Variants in PIGU observed in about 807,000 individuals in gnomAD.
The protein encoded by PIGU is GPI-anchor transamidase component PIGU.
A neutral mutation model predicts 49.9 loss-of-function variants in PIGU; 24 were observed. That is an observed-to-expected ratio of 0.48 (90% confidence interval 0.35 to 0.68). The LOEUF (loss-of-function observed/expected upper bound fraction) is 0.68. Among genes scored for constraint, PIGU ranks in the 30% least tolerant of loss-of-function variants. PIGU has a pLI of 0.01. For synonymous variants in PIGU, 220 were observed against 205.7 expected (o/e 1.07, Z -0.59); for missense variants, 490 against 532.6 (o/e 0.92, Z 0.79).
chr20:34,626,351 G>A (rs1358772374), intron 6 of PIGU, among the ~76,000 whole-genome samples: 2 of 148,440 alleles, frequency 1.3e-5, no homozygotes, highest in African/African-American at 2.5e-5. Flanking sequence ...TGCCCAGGCT[G>A]GAGTGCAATG....
intron 1 of PIGU, among the ~76,000 whole-genome samples, chr20:34,658,686 C>A (rs1284159372): frequency 2.6e-5 from 4 of 151,762 alleles, no homozygotes; most frequent in African/African-American, 4.8e-5. Flanking sequence ...CCAGCCGCCC[C>A]GTCTGAGAAG....
chr20:34,589,947 C>T (rs1211506536), intron 7 of PIGU, among the ~76,000 whole-genome samples: 3 of 151,984 alleles, frequency 2.0e-5, no homozygotes, highest in African/African-American at 7.2e-5. Flanking sequence ...TGAGCCACTG[C>T]GCCTGGCCTC....
At chr20:34,561,993 T>A (rs1982536853) in intron 11 of PIGU, among the ~76,000 whole-genome samples, 1 of 152,200 alleles carries the variant, frequency 6.6e-6, no homozygotes, top group South Asian at 2.1e-4. Context: ...GGTCTTCGAA[T>A]GGTTCTGTCA....
At chr20:34,591,643 C>T (rs993092019) in intron 7 of PIGU, among the ~76,000 whole-genome samples, 17 of 152,108 alleles carry the variant, frequency 1.1e-4, no homozygotes, top group African/African-American at 4.1e-4. Context: ...AACTTGCTGA[C>T]CTCACATATG....
intron 7 of PIGU, among the ~76,000 whole-genome samples, chr20:34,606,664 G>A (rs180805395): frequency 6.6e-6 from 1 of 152,300 alleles, no homozygotes; most frequent in East Asian, 1.9e-4. Context: ...CTCATGCCAA[G>A]CACTATATAT....
At chr20:34,578,402 A>C (rs1287669699) in intron 10 of PIGU, among the ~76,000 whole-genome samples, 3 of 152,104 alleles carry the variant, frequency 2.0e-5, no homozygotes, top group Non-Finnish European at 2.9e-5. Context: ...ACCCAACATC[A>C]CTATGTACAT....
At chr20:34,597,103 C>T (rs1181727124) in intron 7 of PIGU, among the ~76,000 whole-genome samples, 3 of 152,206 alleles carry the variant, frequency 2.0e-5, no homozygotes, top group Non-Finnish European at 4.4e-5. Context: ...CAAAGCTAAA[C>T]GTACACTTGC....
chr20:34,588,605 C>T lies in PIGU; in HGVS notation c.630G>A (p.Arg210=), dbSNP rs1297961364. The T allele has an allele frequency of 1.2e-6, 2 of 1,610,974 alleles. No individual in the cohort carries two copies. Among genetic ancestry groups the T allele is most frequent in the East Asian group, 2.2e-5 (1 of 44,822 alleles). The part of the protein sequence containing the change: ...FVPGLLYLLQ[R]QYIPVKMKSK... ...TCTTCATTTTCACAGGTATGTACTGCCGCTGGAGAGAAGGCAAAGTGATAT... is the reference window on the plus strand; with the variant it reads ...TCTTCATTTTCACAGGTATGTACTGTCGCTGGAGAGAAGGCAAAGTGATAT... Residue 210 remains arginine (R), a splice_region_variant and synonymous_variant, in exon 8 of 12, where the codon CGG becomes CGA. Coordinates refer to ENST00000217446, the MANE Select transcript of PIGU (RefSeq NM_080476.5).
chr20:34,645,980 T>C (rs773142301), intron 2 of PIGU, among the ~76,000 whole-genome samples: 1 of 152,200 alleles, frequency 6.6e-6, no homozygotes, highest in Non-Finnish European at 1.5e-5. Flanking sequence ...ACATATATAA[T>C]AGCCGAGGGG....
chr20:34,662,939 C>G (rs1434234540), intron 1 of PIGU, among the ~76,000 whole-genome samples: 3 of 152,084 alleles, frequency 2.0e-5, no homozygotes, highest in Admixed American at 2.0e-4. Context: ...CAGGGTCTCG[C>G]TCTGTCATCC....
At chr20:34,648,535 A>G (rs187144031) in intron 2 of PIGU, among the ~76,000 whole-genome samples, 3 of 151,772 alleles carry the variant, frequency 2.0e-5, no homozygotes, top group African/African-American at 7.3e-5. Context: ...TATATGCAAA[A>G]TTTTTTGTTT....
intron 6 of PIGU, among the ~76,000 whole-genome samples, chr20:34,633,165 A>G (rs375862722): frequency 6.6e-5 from 10 of 152,346 alleles, no homozygotes; most frequent in African/African-American, 2.2e-4. Context: ...TACTGATTCA[A>G]TAAAAACTAT....
intron 5 of PIGU, among the ~76,000 whole-genome samples, chr20:34,636,149 C>G (rs907911794): frequency 2.6e-5 from 4 of 151,890 alleles, no homozygotes; most frequent in African/African-American, 9.7e-5. Flanking sequence ...TACAGTGAGC[C>G]GTGACTGTAC....
chr20:34,603,856 G>GGACA (rs1415536911), intron 7 of PIGU, among the ~76,000 whole-genome samples: 1 of 73,594 alleles, frequency 1.4e-5, no homozygotes, highest in East Asian at 4.4e-4. Context: ...ACCTTTTAGT[G>GGACA]GACAGACACA....
At chr20:34,648,572 A>G (rs1986428202) in intron 2 of PIGU, among the ~76,000 whole-genome samples, 2 of 152,148 alleles carry the variant, frequency 1.3e-5, no homozygotes, top group Non-Finnish European at 2.9e-5. Flanking sequence ...TTCCTGAAAC[A>G]AAGTCTCACT....
chr20:34,653,163 G>C (rs1304356598), intron 2 of PIGU, among the ~76,000 whole-genome samples: 1 of 152,174 alleles, frequency 6.6e-6, no homozygotes, highest in Non-Finnish European at 1.5e-5. Context: ...AGCAGAGACG[G>C]GGTTTCACCA....
At chr20:34,616,161 T>C (rs1984999288) in intron 6 of PIGU, 22 bp from the exon 7 acceptor site, 1 of 1,610,922 alleles carries the variant, frequency 6.2e-7, no homozygotes. Context: ...AAGAAATGTA[T>C]GGAATAATCC....
chr20:34,628,426 A>G (rs746949912), intron 6 of PIGU, among the ~76,000 whole-genome samples: 1 of 152,230 alleles, frequency 6.6e-6, no homozygotes, highest in Non-Finnish European at 1.5e-5. Flanking sequence ...GAGTGCAAAA[A>G]TTGCTGTACA....
At chr20:34,566,992 C>CT (rs1225763018) in intron 11 of PIGU, among the ~76,000 whole-genome samples, 1 of 152,242 alleles carries the variant, frequency 6.6e-6, no homozygotes, top group African/African-American at 2.4e-5. Flanking sequence ...GGACAGCAGC[C>CT]TTGTCCACCA....
Sources: allele counts gnomAD v4.1 joint callset (sites outside exome capture counted in the v4.1 genomes callset), GRCh38; gene constraint gnomAD v4.1.1; transcripts MANE v1.5; gene names NCBI Gene and HGNC (gene_info 2026-07-23, HGNC 2026-07-21).